Variants in ZNF75A observed in about 807,000 individuals in gnomAD.
The protein encoded by ZNF75A is zinc finger protein 75A.
In ZNF75A, 36 loss-of-function variants were observed where a neutral mutation model predicts 46.3. The ratio of observed to expected loss-of-function variants is 0.78; its 90% CI spans 0.60 to 1.03. The LOEUF is 1.03. Among genes scored for constraint, ZNF75A ranks in the 50% least tolerant of loss-of-function variants. The probability of loss-of-function intolerance (pLI) is 0.00; values close to 1 mark genes in which losing one functional copy is unlikely to be tolerated. For synonymous variants in ZNF75A, 234 were observed against 189.9 expected (o/e 1.23, Z -1.91); for missense variants, 595 against 551.3 (o/e 1.08, Z -0.79).
chr16:3,305,637 G>T lies in ZNF75A; in HGVS notation c.-123G>T, dbSNP rs1358047086. On this transcript the variant is annotated 5_prime_UTR_variant, in exon 1 of 7. Coordinates refer to ENST00000669516, the MANE Select transcript of ZNF75A (RefSeq NM_001302109.2). Reference sequence around the variant, plus strand: ...GAGCGGCCTCCACGGAAGCCAAGCTGGCCGAGGTAACCGAGAAGCGGCTTC... The same window carrying T: ...GAGCGGCCTCCACGGAAGCCAAGCTTGCCGAGGTAACCGAGAAGCGGCTTC... 1 of 152,368 alleles carries T rather than the reference G, an allele frequency of 6.6e-6. No individual in the cohort carries two copies. The highest frequency in any genetic ancestry group is 2.4e-5 in the African/African-American group (1 of 41,594). The allele number at this position is 152,368 out of a possible 1,614,324, so 9.4% of individuals were successfully genotyped here.
chr16:3,323,131 A>G (rs57950168), downstream of ZNF75A: 9,689 of 549,604 alleles, frequency 0.018, 794 homozygotes, highest in African/African-American at 0.17. Flanking sequence ...CAAAAAAACA[A>G]AAACACATGC....
At chr16:3,313,850 G>A (rs1339292744) in intron 5 of ZNF75A, among the ~76,000 whole-genome samples, 2 of 152,138 alleles carry the variant, frequency 1.3e-5, no homozygotes, top group African/African-American at 2.4e-5. Context: ...CTGCTCATCT[G>A]TCTGCCCTCA....
At chr16:3,313,554 C>G (rs1032674713) in intron 5 of ZNF75A, among the ~76,000 whole-genome samples, 2 of 152,216 alleles carry the variant, frequency 1.3e-5, no homozygotes, top group Admixed American at 6.5e-5. Flanking sequence ...CTTAGCTTTA[C>G]TTTGACATAT....
chr16:3,322,501 G>A (rs2029980841), downstream of ZNF75A, among the ~76,000 whole-genome samples: 2 of 152,192 alleles, frequency 1.3e-5, no homozygotes. Context: ...GCCTAAAGCA[G>A]TTCGCCTAGT....
At chr16:3,322,677 G>A (rs556370300), downstream of ZNF75A, among the ~76,000 whole-genome samples, 1 of 152,122 alleles carries the variant, frequency 6.6e-6, no homozygotes, top group African/African-American at 2.4e-5. Flanking sequence ...TACAGTGTTT[G>A]GATATGATGC....
Position 3,317,031 on chromosome 16 carries a change from A to G in ZNF75A, c.934+9A>G, listed in dbSNP as rs779608496. ...CGGAAAATCTCCTACAGGTAAATAT[A>G]CCATGGGAAGTGGAGAAATGTGCCT... On this transcript the variant is annotated intron_variant, in intron 6 of 6. Coordinates refer to ENST00000669516, the MANE Select transcript of ZNF75A (RefSeq NM_001302109.2). 1 of 1,607,364 alleles carries G rather than the reference A, an allele frequency of 6.2e-7. No homozygotes were observed. Among genetic ancestry groups the G allele is most frequent in the South Asian group, 1.1e-5 (1 of 90,398 alleles).
chr16:3,310,617 C>A (rs1960689607), intron 2 of ZNF75A: 1 of 960,538 alleles, frequency 1.0e-6, no homozygotes. Context: ...CAGAGTGAGA[C>A]CCCCGTCTCA....
At chr16:3,320,334 G>A (rs1211113042), downstream of ZNF75A, among the ~76,000 whole-genome samples, 5 of 152,218 alleles carry the variant, frequency 3.3e-5, no homozygotes, top group African/African-American at 7.2e-5. Flanking sequence ...GTGAGCCACC[G>A]CACCTGGCCA....
In ZNF75A at chr16:3,308,554, C is replaced by T; in HGVS notation, c.126C>T (p.Leu42=). The T allele has an allele frequency of 3.0e-6, 3 of 985,934 alleles. No homozygotes were observed. Among genetic ancestry groups the T allele is most frequent in the African/African-American group, 1.7e-5 (1 of 57,372 alleles). 61.1% of individuals were successfully genotyped at this position (985,934 alleles called of 1,614,324 possible). A position where few individuals can be genotyped will look rare whatever the true frequency, so the allele number is the denominator to read the frequency against. The change falls in exon 2 of 7, where the codon CTC becomes CTT. Residue 42 remains leucine (L), a synonymous_variant. Transcript: ENST00000669516. ...AAAAATCTCCTCAAATGGACTGTCT[C>T]GATCCTAAGAGCTCTTGCTGGCACT... ...QSKKSPQMDC[L]DPKSSCWHFR...
downstream of ZNF75A, chr16:3,323,126 A>G: frequency 1.8e-6 from 1 of 545,586 alleles, no homozygotes; most frequent in Admixed American, 3.4e-5. Flanking sequence ...AATCTCAAAA[A>G]AACAAAAACA....
chr16:3,319,118 T>C (rs1045572078), downstream of ZNF75A, among the ~76,000 whole-genome samples: 6 of 152,096 alleles, frequency 3.9e-5, no homozygotes, highest in African/African-American at 1.4e-4. Flanking sequence ...AAACCTCTTA[T>C]TTTATTTTTT....
At chr16:3,311,411 C>T (rs1179820722) in intron 2 of ZNF75A, among the ~76,000 whole-genome samples, 1 of 149,996 alleles carries the variant, frequency 6.7e-6, no homozygotes, top group Non-Finnish European at 1.5e-5. Flanking sequence ...GCACCCCAGC[C>T]TGGGCAACAA....
chr16:3,317,139 G>A (rs1961274809), intron 6 of ZNF75A, 51 bp from the exon 7 acceptor site: 1 of 1,546,722 alleles, frequency 6.5e-7, no homozygotes, highest in Non-Finnish European at 8.8e-7. Flanking sequence ...TTTTATTCCT[G>A]TGATTTGCTT....
At position 3,317,692 on chromosome 16, in the gene ZNF75A, T is replaced by A; in HGVS notation, c.1437T>A (p.Thr479=). The part of the protein sequence containing the change: ...QNTNLHTHQR[T]HTGEKPFTCH... ...CAAATTTACATACACACCAAAGAAC[T>A]CATACAGGAGAAAAGCCCTTCACAT... Residue 479 remains threonine, a synonymous_variant, in exon 7 of 7, where the codon ACT becomes ACA. Transcript: ENST00000669516. The A allele has an allele frequency of 6.2e-7, 1 of 1,614,194 alleles. No individual in the cohort carries two copies. The highest frequency in any genetic ancestry group is 2.2e-5 in the East Asian group (1 of 44,888).
At chr16:3,306,878 C>T (rs1037979390) in intron 1 of ZNF75A, 2 of 152,030 alleles carry the variant, frequency 1.3e-5, no homozygotes, top group African/African-American at 4.8e-5. Flanking sequence ...GTTTCACTTA[C>T]CCGCTGTCAA....
Position 3,318,792 on chromosome 16 carries a change from G to A in ZNF75A, c.*923G>A. 1 of 985,446 alleles carries A rather than the reference G, an allele frequency of 1.0e-6. No individual in the cohort carries two copies. Among genetic ancestry groups the A allele is most frequent in the Non-Finnish European group, 1.2e-6 (1 of 829,948 alleles). The allele number at this position is 985,446 out of a possible 1,614,324, so 61.0% of individuals were successfully genotyped here. A position where few individuals can be genotyped will look rare whatever the true frequency, so the allele number is the denominator to read the frequency against. Reference sequence around the variant, plus strand: ...AGGATCCTGTGGCTCATTTGGCATGGAGACCTGGACATGTAGTCAGCAGGA... The same window carrying A: ...AGGATCCTGTGGCTCATTTGGCATGAAGACCTGGACATGTAGTCAGCAGGA... On this transcript the variant is annotated 3_prime_UTR_variant, in exon 7 of 7. Transcript: ENST00000669516.
chr16:3,316,707 G>A (rs1230720481), intron 5 of ZNF75A: 1 of 436,506 alleles, frequency 2.3e-6, no homozygotes. Flanking sequence ...ATCCACCGTA[G>A]ATTTATTTCT....
At chr16:3,320,060 T>G (rs534684580), downstream of ZNF75A, among the ~76,000 whole-genome samples, 16 of 151,956 alleles carry the variant, frequency 1.1e-4, no homozygotes, top group Middle Eastern at 3.4e-3. Context: ...TTTTTTTTTT[T>G]CTTGAGACGG....
chr16:3,308,717 C>T lies in ZNF75A; in HGVS notation c.289C>T (p.Leu97=), dbSNP rs570633231. The part of the protein sequence containing the change: ...ILELLVLEQF[L]TILPRETQTQ... ...GGAACTGCTGGTGCTGGAGCAGTTC[C>T]TGACTATTCTGCCCAGGGAGACACA... The change falls in exon 2 of 7, where the codon CTG becomes TTG. Residue 97 remains leucine, a synonymous_variant. Transcript: ENST00000669516. 40 of 992,884 alleles carry T rather than the reference C, an allele frequency of 4.0e-5. No individual in the cohort carries two copies. The African/African-American group carries it at 6.6e-4, about 16-fold the overall frequency. 61.5% of individuals were successfully genotyped at this position (992,884 alleles called of 1,614,324 possible).
Sources: gnomAD v4.1 joint callset for allele counts (sites outside exome capture counted in the v4.1 genomes callset) on GRCh38, gnomAD v4.1.1 for gene constraint, MANE v1.5 for transcripts, NCBI Gene and HGNC (gene_info 2026-07-23, HGNC 2026-07-21) for gene names.